The following DNM3 variants were observed in gnomAD, a reference collection of about 807,000 sequenced individuals.
DNM3 encodes dynamin-3.
A neutral mutation model predicts 101.6 loss-of-function variants in DNM3; 47 were observed. The ratio of observed to expected loss-of-function variants is 0.46; its 90% CI spans 0.37 to 0.59. The LOEUF is 0.59. Ranked by LOEUF, DNM3 falls within the 20% of genes least tolerant of loss-of-function variation. The pLI, the probability that DNM3 is intolerant of heterozygous loss-of-function variation, is 0.00. For synonymous variants in DNM3, 385 were observed against 387.9 expected, an observed-to-expected ratio of 0.99 and a Z score of 0.09; for missense variants, 849 against 1,085.7, an observed-to-expected ratio of 0.78 and a Z score of 3.06.
chr1:172,169,734 T>A (rs988640134), intron 14 of DNM3, among the ~76,000 whole-genome samples: 1 of 151,948 alleles, frequency 6.6e-6, no homozygotes, highest in African/African-American at 2.4e-5. Flanking sequence ...TTTGTAGGCA[T>A]GAACATAGGT....
Position 172,321,568 on chromosome 1 carries a change from G to A in DNM3, c.1882-1761G>A, listed in dbSNP as rs565026182. Among the ~76,000 whole-genome samples, 3 of 152,244 alleles carry A rather than the reference G, an allele frequency of 2.0e-5. No homozygotes were observed. In the South Asian group the frequency reaches 6.2e-4, roughly 32 times the overall value. ...GAAATGATTGAATGAAACAAGAAAT[G>A]GCCAAGCCACACCACGTCCTCCGCT... is the stretch of plus-strand genomic sequence containing the variant. On this transcript the variant is annotated intron_variant, in intron 16 of 20. Transcript: ENST00000627582.
chr1:171,900,143 G>A lies in DNM3; in HGVS notation c.162-21605G>A, dbSNP rs115491672. ...ACAACCCCCAGATTTTTACTTGGTT[G>A]GTAGTGCTATTCGCACTGTATGTTT... On this transcript the variant is annotated intron_variant, in intron 1 of 20. Transcript: ENST00000627582. Among the ~76,000 whole-genome samples, 747 of 152,266 alleles carry A rather than the reference G, an allele frequency of 4.9e-3. 9 individuals are homozygous for A. The highest frequency in any genetic ancestry group is 0.017 in the African/African-American group (717 of 41,550).
At chr1:172,097,579 G>C (rs538588545) in intron 13 of DNM3, among the ~76,000 whole-genome samples, 6 of 152,242 alleles carry the variant, frequency 3.9e-5, no homozygotes, top group African/African-American at 1.4e-4. Flanking sequence ...ACCTCCAAAG[G>C]ATGAGAACAT....
At chr1:172,218,457 G>A (rs760532486) in intron 14 of DNM3, among the ~76,000 whole-genome samples, 11 of 152,058 alleles carry the variant, frequency 7.2e-5, no homozygotes, top group Non-Finnish European at 1.6e-4. Context: ...ACTGTAACAA[G>A]GTGAAGAAGA....
At chr1:172,233,357 G>A (rs886087085) in intron 14 of DNM3, among the ~76,000 whole-genome samples, 6 of 152,076 alleles carry the variant, frequency 3.9e-5, no homozygotes, top group African/African-American at 9.7e-5. Context: ...TTGAATCTCT[G>A]AATAGACCAA....
chr1:172,006,407 A>T (rs2046693317), intron 4 of DNM3, among the ~76,000 whole-genome samples: 1 of 151,920 alleles, frequency 6.6e-6, no homozygotes, highest in Non-Finnish European at 1.5e-5. Flanking sequence ...TTCTTGTAAA[A>T]ACTTGGGGTG....
intron 10 of DNM3, among the ~76,000 whole-genome samples, chr1:172,061,604 A>C (rs1388725742): frequency 1.3e-5 from 2 of 151,226 alleles, no homozygotes; most frequent in Non-Finnish European, 2.9e-5. Flanking sequence ...AAGAACAAAA[A>C]ACCAAACACT....
intron 15 of DNM3, among the ~76,000 whole-genome samples, chr1:172,255,771 T>A (rs1258211486): frequency 6.6e-6 from 1 of 152,198 alleles, no homozygotes; most frequent in African/African-American, 2.4e-5. Context: ...CAGTGCAATG[T>A]TGACCACAAG....
At chr1:171,847,896 C>G (rs12406841) in intron 1 of DNM3, among the ~76,000 whole-genome samples, 86,941 of 141,050 alleles carry the variant, frequency 0.62, 27,020 homozygotes, top group East Asian at 0.79. Context: ...CTCTCTCTCT[C>G]TGTGTGTGTG....
intron 10 of DNM3, among the ~76,000 whole-genome samples, chr1:172,063,744 C>T (rs1006100988): frequency 7.1e-6 from 1 of 140,726 alleles, no homozygotes; most frequent in Non-Finnish European, 1.5e-5. Flanking sequence ...TACCACTGCA[C>T]TCCAGCCTGG....
Position 172,052,387 on chromosome 1 carries a change from T to A in DNM3, c.1335+3637T>A, listed in dbSNP as rs74123790. Among the ~76,000 whole-genome samples, 746 of 152,282 alleles carry A rather than the reference T, an allele frequency of 4.9e-3. 7 individuals carry two copies. Among genetic ancestry groups the A allele is most frequent in the African/African-American group, 0.017 (700 of 41,564 alleles). On this transcript the variant is annotated intron_variant, in intron 10 of 20. Coordinates refer to ENST00000627582, the MANE Select transcript of DNM3 (RefSeq NM_015569.5). The stretch of plus-strand genomic sequence containing the variant: ...TTTAAAAAATCAACATATAAATATA[T>A]CTATGTCTGTCCTAATTTAAAAAGA...
intron 4 of DNM3, among the ~76,000 whole-genome samples, chr1:172,009,893 A>AT (rs1350617393): frequency 6.6e-6 from 1 of 151,564 alleles, no homozygotes. Flanking sequence ...ATACCTCTTG[A>AT]TTTTTTTATT....
At chr1:172,317,561 C>T (rs1466984154) in intron 16 of DNM3, among the ~76,000 whole-genome samples, 5 of 152,224 alleles carry the variant, frequency 3.3e-5, no homozygotes, top group African/African-American at 9.6e-5. Context: ...GGGGATATCA[C>T]CACTGATCCC....
chr1:172,143,811 C>G (rs1422063297), intron 14 of DNM3, among the ~76,000 whole-genome samples: 1 of 152,052 alleles, frequency 6.6e-6, no homozygotes, highest in Admixed American at 6.6e-5. Flanking sequence ...AGTTGTGGGT[C>G]GGTGCTCTTC....
chr1:171,984,811 G>A (rs376170709), intron 2 of DNM3, among the ~76,000 whole-genome samples: 3 of 152,154 alleles, frequency 2.0e-5, no homozygotes, highest in Admixed American at 6.5e-5. Context: ...ATAAATAAAT[G>A]AATACAGGAA....
At chr1:172,373,616 T>TATACAAA (rs2068460103) in intron 17 of DNM3, among the ~76,000 whole-genome samples, 1 of 152,084 alleles carries the variant, frequency 6.6e-6, no homozygotes, top group African/African-American at 2.4e-5. Flanking sequence ...CTCTCTTTGT[T>TATACAAA]TTTGCCACTT....
At chr1:171,939,302 C>T (rs2041661558) in intron 2 of DNM3, among the ~76,000 whole-genome samples, 1 of 152,148 alleles carries the variant, frequency 6.6e-6, no homozygotes, top group African/African-American at 2.4e-5. Flanking sequence ...TTATATTTCT[C>T]TTTGAAGTAA....
chr1:171,966,967 G>T (rs371231194), intron 2 of DNM3, among the ~76,000 whole-genome samples: 1 of 152,116 alleles, frequency 6.6e-6, no homozygotes, highest in African/African-American at 2.4e-5. Flanking sequence ...AAGAGTGGTC[G>T]AATAGCTCCT....
chr1:172,395,248 G>GCAA (rs2069883764), intron 20 of DNM3, among the ~76,000 whole-genome samples: 1 of 149,460 alleles, frequency 6.7e-6, no homozygotes, highest in Admixed American at 6.7e-5. Context: ...TCGGCTCACT[G>GCAA]CAACCCCTGC....
Sources: gnomAD v4.1 joint callset for allele counts (sites outside exome capture counted in the v4.1 genomes callset) on GRCh38, gnomAD v4.1.1 for gene constraint, MANE v1.5 for transcripts, NCBI Gene and HGNC (gene_info 2026-07-23, HGNC 2026-07-21) for gene names.